ATXN8OS: variants seen among roughly 807,000 people sequenced by gnomAD.
ATXN8OS encodes ATXN8 opposite strand lncRNA.
intron 4 of ATXN8OS, among the ~76,000 whole-genome samples, chr13:70,156,242 T>C (rs1057005174): frequency 1.9e-5 from 2 of 103,066 alleles, no homozygotes; most frequent in South Asian, 7.1e-4. Context: ...TGGGTGGGTA[T>C]GAGTGTGTGT....
chr13:70,148,827 A>G (rs989402087), intron 4 of ATXN8OS, among the ~76,000 whole-genome samples: 2 of 152,190 alleles, frequency 1.3e-5, no homozygotes, highest in Admixed American at 1.3e-4. Flanking sequence ...GGGCCAATAT[A>G]ATATTTTATT....
rs529103879 is a variant in ATXN8OS, at chr13:70,130,931, A to G, written n.499+1047A>G. ...GATAAATCTCTCATGTTAACTATGG[A>G]AAAAATAAAGGAAGATGACGTATTT... On this transcript the variant is annotated intron_variant and non_coding_transcript_variant, in intron 3 of 4. Transcript: ENST00000678624. 1.4e-3 allele frequency: 563 copies of G among 398,502 alleles called. 1 individual carries two copies. The highest frequency in any genetic ancestry group is 0.011 in the African/African-American group (542 of 48,746). 24.7% of individuals were successfully genotyped at this position (398,502 alleles called of 1,614,324 possible). A position where few individuals can be genotyped will look rare whatever the true frequency, so the allele number is the denominator to read the frequency against.
At chr13:70,121,192 A>C (rs934335742) in intron 2 of ATXN8OS, among the ~76,000 whole-genome samples, 1 of 152,118 alleles carries the variant, frequency 6.6e-6, no homozygotes, top group African/African-American at 2.4e-5. Flanking sequence ...ATGGAATCTG[A>C]AAAATACAAG....
chr13:70,160,510 TA>T (rs1019934608), intron 4 of ATXN8OS, among the ~76,000 whole-genome samples: 2 of 151,656 alleles, frequency 1.3e-5, no homozygotes, highest in African/African-American at 2.4e-5. Flanking sequence ...TTAATTTGGA[TA>T]AAGTTTCTTA....
At chr13:70,131,385 T>G (rs6650429) in intron 3 of ATXN8OS, 346,871 of 398,354 alleles carry the variant, frequency 0.87, 151,427 homozygotes, top group East Asian at 1. Context: ...TTAAATTGCA[T>G]ATATGACCGT....
chr13:70,119,580 A>G (rs1299106986), intron 2 of ATXN8OS, among the ~76,000 whole-genome samples: 1 of 152,144 alleles, frequency 6.6e-6, no homozygotes, highest in Non-Finnish European at 1.5e-5. Flanking sequence ...TTCAAATTAC[A>G]GTGAATAATA....
At chr13:70,145,630 A>C (rs1888773288) in intron 3 of ATXN8OS, among the ~76,000 whole-genome samples, 1 of 151,994 alleles carries the variant, frequency 6.6e-6, no homozygotes, top group Admixed American at 6.6e-5. Flanking sequence ...ATGGTAGTTC[A>C]CTCATGATTT....
chr13:70,167,739 T>TTC lies in ATXN8OS; in HGVS notation n.574-2013_574-2012insCT, dbSNP rs1555302460. 3.4e-3 allele frequency among the ~76,000 whole-genome samples: 373 copies of TTC among 111,336 alleles called. 21 individuals are homozygous for TTC. The highest frequency in any genetic ancestry group is 0.017 in the East Asian group (58 of 3,434). The allele number at this position is 111,336 out of a possible 152,430, so 73.0% of individuals were successfully genotyped here. A position where few individuals can be genotyped will look rare whatever the true frequency, so the allele number is the denominator to read the frequency against. On this transcript the variant is annotated intron_variant and non_coding_transcript_variant, in intron 4 of 4. Transcript: ENST00000678624. ...ATGTAACTTCTTTTTTTTTTTTTTT[T>TTC]TTTTTTTTTTGAGACAGACAGAGTC... is the stretch of plus-strand genomic sequence containing the variant.
chr13:70,167,821 C>T (rs985314786), intron 4 of ATXN8OS, among the ~76,000 whole-genome samples: 5 of 148,056 alleles, frequency 3.4e-5, no homozygotes, highest in Non-Finnish European at 4.4e-5. Context: ...CTGCAAGCTC[C>T]GCCTCCTGGG....
At chr13:70,168,628 G>T (rs1163747609) in intron 4 of ATXN8OS, among the ~76,000 whole-genome samples, 5 of 148,650 alleles carry the variant, frequency 3.4e-5, no homozygotes, top group Non-Finnish European at 5.9e-5. Context: ...ATAGGAGAGA[G>T]AACATGTGAC....
rs796218011 is a variant in ATXN8OS at position 70,113,721 on chromosome 13, A to G, written n.241-1420A>G. ...GAGACATGGGTTTTTGGAGACTTTA[A>G]AATATTTTCTCAAATCAGGTTACTA... On this transcript the variant is annotated intron_variant and non_coding_transcript_variant, in intron 1 of 4. Transcript: ENST00000678624. 1.2e-4 allele frequency among the ~76,000 whole-genome samples: 19 copies of G among 152,266 alleles called. 1 individual carries two copies. The highest frequency in any genetic ancestry group is 4.6e-4 in the African/African-American group (19 of 41,560).
At chr13:70,148,799 A>G (rs970951777) in intron 4 of ATXN8OS, among the ~76,000 whole-genome samples, 7 of 152,120 alleles carry the variant, frequency 4.6e-5, no homozygotes, top group African/African-American at 1.7e-4. Flanking sequence ...CAAGCAAATG[A>G]AAATATGTGA....
intron 3 of ATXN8OS, among the ~76,000 whole-genome samples, chr13:70,146,550 G>A (rs1310999443): frequency 1.3e-5 from 2 of 152,242 alleles, no homozygotes; most frequent in Middle Eastern, 3.4e-3. Context: ...TTAAGAAAAT[G>A]TGGCACATAT....
intron 1 of ATXN8OS, among the ~76,000 whole-genome samples, chr13:70,114,582 A>G (rs912401198): frequency 2.0e-5 from 3 of 152,102 alleles, no homozygotes; most frequent in Non-Finnish European, 2.9e-5. Flanking sequence ...TTCACACTAG[A>G]TAGATTCCCA....
chr13:70,160,874 T>C (rs1327742814), intron 4 of ATXN8OS, among the ~76,000 whole-genome samples: 1 of 147,948 alleles, frequency 6.8e-6, no homozygotes, highest in East Asian at 2.0e-4. Flanking sequence ...TTATTCAAAA[T>C]ATACCTATTT....
At chr13:70,134,892 C>T (rs1035068048) in intron 3 of ATXN8OS, among the ~76,000 whole-genome samples, 9 of 152,292 alleles carry the variant, frequency 5.9e-5, no homozygotes, top group African/African-American at 1.9e-4. Context: ...AGGAGGAGCA[C>T]ACCTTGAGTC....
At chr13:70,128,892 C>A (rs1004667425) in intron 2 of ATXN8OS, among the ~76,000 whole-genome samples, 3 of 150,728 alleles carry the variant, frequency 2.0e-5, no homozygotes, top group African/African-American at 7.3e-5. Flanking sequence ...TTTTCTTTTG[C>A]TCTTGTTGCC....
chr13:70,157,116 T>G (rs930520902), intron 4 of ATXN8OS, among the ~76,000 whole-genome samples: 1 of 136,368 alleles, frequency 7.3e-6, no homozygotes. Context: ...CCTAAAAGTT[T>G]TCATACCGAT....
exon 5 of ATXN8OS, among the ~76,000 whole-genome samples, chr13:70,171,392 G>A (rs563643522): frequency 5.3e-5 from 8 of 152,146 alleles, no homozygotes; most frequent in Non-Finnish European, 1.2e-4. Flanking sequence ...AATAGAGCTA[G>A]CAGGACTGGA....
Sources: gnomAD v4.1 joint callset for allele counts (sites outside exome capture counted in the v4.1 genomes callset) on GRCh38, gnomAD v4.1.1 for gene constraint, MANE v1.5 for transcripts, NCBI Gene and HGNC (gene_info 2026-07-23, HGNC 2026-07-21) for gene names.